Variants in CIB2 observed in about 807,000 individuals in gnomAD.
CIB2 encodes calcium and integrin binding family member 2.
CIB2 carries 19 observed loss-of-function variants against 23.1 expected under a neutral mutation model. The ratio of observed to expected loss-of-function variants is 0.82; its 90% CI spans 0.57 to 1.21. The LOEUF is 1.21. Ranked by LOEUF, CIB2 falls within the 50% of genes most tolerant of loss-of-function variation. The pLI, the probability that CIB2 is intolerant of heterozygous loss-of-function variation, is 0.00. For missense variants in CIB2, 220 were observed against 241.5 expected, an observed-to-expected ratio of 0.91 and a Z score of 0.59; for synonymous variants, 94 against 91.7, an observed-to-expected ratio of 1.03 and a Z score of -0.14.
chr15:78,107,295 G>T (rs116850964), intron 4 of CIB2, among the ~76,000 whole-genome samples: 4 of 152,084 alleles, frequency 2.6e-5, no homozygotes, highest in Non-Finnish European at 5.9e-5. Flanking sequence ...GTCACATCCC[G>T]GTCATTGTTG....
chr15:78,127,565 G>A (rs966996292), intron 1 of CIB2, among the ~76,000 whole-genome samples: 2 of 152,184 alleles, frequency 1.3e-5, no homozygotes, highest in African/African-American at 4.8e-5. Flanking sequence ...CCCAACTGGA[G>A]TGCCCTCTCC....
At chr15:78,105,533 C>T in intron 5 of CIB2, 4 of 1,480,256 alleles carry the variant, frequency 2.7e-6, no homozygotes, top group Non-Finnish European at 8.9e-7. Flanking sequence ...CCACTTATCA[C>T]TGAAGGGGCC....
At chr15:78,107,239 A>C (rs1352496791) in intron 4 of CIB2, among the ~76,000 whole-genome samples, 1 of 151,844 alleles carries the variant, frequency 6.6e-6, no homozygotes, top group Non-Finnish European at 1.5e-5. Flanking sequence ...TATCTCAAAA[A>C]TAAAAAAAGA....
At chr15:78,124,300 T>G (rs1596361815) in intron 1 of CIB2, among the ~76,000 whole-genome samples, 1 of 149,862 alleles carries the variant, frequency 6.7e-6, no homozygotes, top group African/African-American at 2.5e-5. Context: ...GAGAAGGGAG[T>G]GAAGAGGCCA....
chr15:78,122,641 C>T (rs993251434), intron 2 of CIB2, among the ~76,000 whole-genome samples: 11 of 152,320 alleles, frequency 7.2e-5, no homozygotes, highest in African/African-American at 2.2e-4. Flanking sequence ...TTTCACTATC[C>T]CTATTATACA....
chr15:78,128,221 C>G (rs1169659322), intron 1 of CIB2, among the ~76,000 whole-genome samples: 1 of 152,124 alleles, frequency 6.6e-6, no homozygotes, highest in East Asian at 1.9e-4. Context: ...GGAGCCCGTC[C>G]CAAAGAGGTG....
At chr15:78,117,019 C>CA (rs2074249707) in intron 2 of CIB2, among the ~76,000 whole-genome samples, 1 of 148,476 alleles carries the variant, frequency 6.7e-6, no homozygotes, top group African/African-American at 2.5e-5. Flanking sequence ...TTTGAAGTAT[C>CA]AAAAAAACCA....
intron 2 of CIB2, among the ~76,000 whole-genome samples, chr15:78,122,709 T>C (rs775832344): frequency 1.3e-5 from 2 of 152,224 alleles, no homozygotes; most frequent in African/African-American, 2.4e-5. Flanking sequence ...AGATGCCAGG[T>C]CTACTGATGC....
intron 2 of CIB2, among the ~76,000 whole-genome samples, chr15:78,112,055 T>C (rs926257911): frequency 1.4e-4 from 21 of 152,146 alleles, no homozygotes; most frequent in Non-Finnish European, 1.8e-4. Flanking sequence ...GTCAGGTCCC[T>C]AGCTCCTGTC....
rs11341856 is a variant in CIB2 at position 78,105,007 on chromosome 15, CTT to C, written c.*302_*303del. On this transcript the variant is annotated 3_prime_UTR_variant, in exon 6 of 6. Coordinates refer to ENST00000258930, the MANE Select transcript of CIB2 (RefSeq NM_006383.4). Reference sequence around the variant, plus strand: ...CCTGTTGGGTTATCTGCTTTTCCCTCTTTGGGGGGGTGGGGAGCATTTCTGGA... The same window carrying C: ...CCTGTTGGGTTATCTGCTTTTCCCTCTGGGGGGGTGGGGAGCATTTCTGGA... The C allele has an allele frequency of 2.4e-6, 1 of 411,474 alleles. No individual in the cohort carries two copies. 25.5% of individuals were successfully genotyped at this position (411,474 alleles called of 1,614,324 possible).
chr15:78,131,024 G>A lies in CIB2; in HGVS notation c.51+141C>T. 3.5e-6 allele frequency: 2 copies of A among 565,052 alleles called. No individual in the cohort carries two copies. The highest frequency in any genetic ancestry group is 2.8e-5 in the South Asian group (1 of 36,174). 35.0% of individuals were successfully genotyped at this position (565,052 alleles called of 1,614,324 possible). ...CGGCGAGGGGAAGTCACCGGCCCAA[G>A]GTCACGCGTCGAGCTGAAGGCAGAG... On this transcript the variant is annotated intron_variant, in intron 1 of 5. Coordinates refer to ENST00000258930, the MANE Select transcript of CIB2 (RefSeq NM_006383.4). The surrounding 1 kb of genome is among the most constrained non-coding windows in gnomAD (Gnocchi z 5.8).
chr15:78,128,046 C>T (rs2074405008), intron 1 of CIB2, among the ~76,000 whole-genome samples: 1 of 152,368 alleles, frequency 6.6e-6, no homozygotes, highest in African/African-American at 2.4e-5. Flanking sequence ...ATCCTCCAAA[C>T]ATCTCTTTTG....
chr15:78,109,681 G>A (rs145643626), intron 3 of CIB2, among the ~76,000 whole-genome samples: 4 of 151,920 alleles, frequency 2.6e-5, no homozygotes, highest in Admixed American at 6.6e-5. Context: ...AGTGGTGCAC[G>A]CCTGTAGTCC....
In CIB2 at chr15:78,109,447, C is replaced by G. The variant is rs1476968252; in HGVS notation, c.199-65G>C. The G allele has an allele frequency of 1.9e-6, 3 of 1,596,626 alleles. No homozygotes were observed. The African/African-American group carries it at 4.0e-5, about 21-fold the overall frequency. On this transcript the variant is annotated intron_variant, in intron 3 of 5. Transcript: ENST00000258930. Reference sequence around the variant, plus strand: ...TAAGCAGGAGGGCCCCGGAGCCAGACTGTGGACAGCCTGTGTGACCCTGGA... The same window carrying G: ...TAAGCAGGAGGGCCCCGGAGCCAGAGTGTGGACAGCCTGTGTGACCCTGGA...
intron 2 of CIB2, among the ~76,000 whole-genome samples, chr15:78,123,067 G>A (rs77345259): frequency 0.025 from 3,808 of 152,226 alleles, 158 homozygotes; most frequent in African/African-American, 0.088. Context: ...GGGGTTCTGA[G>A]GCTGCCGATC....
chr15:78,108,094 C>T (rs1213945340), intron 4 of CIB2, among the ~76,000 whole-genome samples: 2 of 150,166 alleles, frequency 1.3e-5, no homozygotes, highest in Non-Finnish European at 3.0e-5. Context: ...ATCGTTTGAA[C>T]TTGGGAGGCT....
chr15:78,105,437 C>T (rs1405747793), intron 5 of CIB2, 105 bp from the exon 6 acceptor site: 4 of 1,580,676 alleles, frequency 2.5e-6, no homozygotes, highest in Non-Finnish European at 3.4e-6. Context: ...CTGGACAGTG[C>T]CTCATTAGGG....
chr15:78,112,044 G>A (rs1437646294), intron 2 of CIB2, among the ~76,000 whole-genome samples: 3 of 152,112 alleles, frequency 2.0e-5, no homozygotes, highest in Non-Finnish European at 4.4e-5. Context: ...CTCACTGATG[G>A]GTCAGGTCCC....
At chr15:78,119,563 A>G (rs1596358157) in intron 2 of CIB2, among the ~76,000 whole-genome samples, 1 of 151,838 alleles carries the variant, frequency 6.6e-6, no homozygotes, top group Admixed American at 6.6e-5. Context: ...AATTTTAAGC[A>G]TATATATACT....
Sources: allele counts gnomAD v4.1 joint callset (sites outside exome capture counted in the v4.1 genomes callset), GRCh38; gene constraint gnomAD v4.1.1; non-coding constraint Gnocchi (gnomAD v3.1); transcripts MANE v1.5; gene names NCBI Gene and HGNC (gene_info 2026-07-23, HGNC 2026-07-21).